Variants in CLDN19 observed in about 807,000 individuals in gnomAD.
CLDN19 encodes claudin-19.
A neutral mutation model predicts 24.5 loss-of-function variants in CLDN19; 19 were observed. The observed-to-expected ratio is 0.78, with a 90% CI of 0.54 to 1.14. CLDN19 has a LOEUF of 1.14. Among genes scored for constraint, CLDN19 ranks in the 50% most tolerant of loss-of-function variants. CLDN19 has a pLI of 0.00. For synonymous variants in CLDN19, 117 were observed against 129.6 expected, an observed-to-expected ratio of 0.90 and a Z score of 0.66; for missense variants, 250 against 295.9, an observed-to-expected ratio of 0.84 and a Z score of 1.14.
Position 42,734,676 on chromosome 1 carries a change from T to C in CLDN19, c.*410A>G. 1 of 191,844 alleles carries C rather than the reference T, an allele frequency of 5.2e-6. No homozygotes were observed. The highest frequency in any genetic ancestry group is 1.2e-4 in the South Asian group (1 of 8,162). The allele number at this position is 191,844 out of a possible 1,614,324, so 11.9% of individuals were successfully genotyped here. The stretch of plus-strand genomic sequence containing the variant: ...GCAGGGTTTACTACCTTGGGGCCTC[T>C]TTCCACACCAGGGGCTCCCTGACCC... On this transcript the variant is annotated 3_prime_UTR_variant, in exon 5 of 5. Transcript: ENST00000296387.
intron 4 of CLDN19, 59 bp from the exon 5 acceptor site, chr1:42,735,193 G>A (rs955095486): frequency 3.7e-6 from 6 of 1,608,830 alleles, no homozygotes; most frequent in African/African-American, 2.7e-5. Context: ...CGGGGGCAGG[G>A]GCTGTGCATT....
chr1:42,735,311 T>G, intron 4 of CLDN19, 177 bp from the exon 5 acceptor site: 1 of 1,494,698 alleles, frequency 6.7e-7, no homozygotes, highest in African/African-American at 1.4e-5. Context: ...GACCTCACCA[T>G]CTGTGTAGGT....
chr1:42,739,065 C>T (rs1241168294), intron 1 of CLDN19, among the ~76,000 whole-genome samples: 2 of 152,142 alleles, frequency 1.3e-5, no homozygotes, highest in South Asian at 2.1e-4. Context: ...AAGCTTGCCT[C>T]TTCACGGGTG....
Position 42,734,953 on chromosome 1 carries a change from C to T in CLDN19, c.*133G>A. On this transcript the variant is annotated 3_prime_UTR_variant, in exon 5 of 5. Coordinates refer to ENST00000296387, the MANE Select transcript of CLDN19 (RefSeq NM_148960.3). ...CAGCACTGACCACTCTGACACAGGC[C>T]CCGTCCAAGCCACGCTGAGGACAGA... The T allele has an allele frequency of 1.3e-6, 1 of 767,118 alleles. No homozygotes were observed. Among genetic ancestry groups the T allele is most frequent in the Non-Finnish European group, 2.2e-6 (1 of 446,700 alleles). 47.5% of individuals were successfully genotyped at this position (767,118 alleles called of 1,614,324 possible).
chr1:42,735,444 C>T (rs1026009370), intron 4 of CLDN19: 2 of 1,414,654 alleles, frequency 1.4e-6, no homozygotes, highest in Non-Finnish European at 9.2e-7. Flanking sequence ...GCCCATGGGA[C>T]TGGGGAGGGT....
Position 42,735,900 on chromosome 1 carries a change from C to G in CLDN19, c.604G>C (p.Gly202Arg). ...PNSSPQPYRP[G>R]PSAAAREPVV... ...TACTCTCGGGCAGCAGCAGAGGGTC[C>G]AGGCCGATAGGGCTGTGGGCTGCTG... is the stretch of plus-strand genomic sequence containing the variant. Residue 202 changes from glycine to arginine, a missense_variant, in exon 4 of 5, where the codon GGA becomes CGA. Physicochemically the swap from Gly to Arg is moderately radical, Grantham distance 125 (BLOSUM62 -2). Transcript: ENST00000296387. 6.3e-7 allele frequency: 1 copy of G among 1,580,214 alleles called. No homozygotes were observed. Among genetic ancestry groups the G allele is most frequent in the South Asian group, 1.2e-5 (1 of 86,316 alleles).
intron 4 of CLDN19, 34 bp from the exon 5 acceptor site, chr1:42,735,168 A>C (rs748661119): frequency 6.2e-7 from 1 of 1,613,314 alleles, no homozygotes; most frequent in African/African-American, 1.3e-5. Flanking sequence ...TGGTTAGTGG[A>C]GTGAGCTGTG....
intron 3 of CLDN19, among the ~76,000 whole-genome samples, chr1:42,736,938 T>C (rs968915742): frequency 3.3e-5 from 5 of 152,166 alleles, no homozygotes. Context: ...GGAACAAACC[T>C]TGTACCTGAG....
At chr1:42,735,654 T>A in intron 4 of CLDN19, 1 of 1,435,414 alleles carries the variant, frequency 7.0e-7, no homozygotes, top group Non-Finnish European at 9.1e-7. Context: ...TGGACCTGCA[T>A]CTGTGTGTAT....
Position 42,735,934 on chromosome 1 carries a change from C to T in CLDN19, c.570G>A (p.Glu190=), listed in dbSNP as rs1651353668. 1 of 1,578,672 alleles carries T rather than the reference C, an allele frequency of 6.3e-7. No individual in the cohort carries two copies. The highest frequency in any genetic ancestry group is 8.6e-7 in the Non-Finnish European group (1 of 1,162,214). ...AGGGCTGTGGGCTGCTGTTGGGTCT[C>T]TCTGGCTCCGGGCATGTGCAGCAGA... ...SFLCCTCPEP[E]RPNSSPQPYR... is the part of the protein sequence containing the mutation. The change falls in exon 4 of 5, where the codon GAG becomes GAA. Residue 190 remains glutamate, a synonymous_variant. Coordinates refer to ENST00000296387, the MANE Select transcript of CLDN19 (RefSeq NM_148960.3).
At chr1:42,736,058 G>A (rs1651361938) in intron 3 of CLDN19, 28 bp from the exon 4 acceptor site, 2 of 1,466,184 alleles carry the variant, frequency 1.4e-6, no homozygotes, top group South Asian at 1.2e-5. Flanking sequence ...AGTGGCATCA[G>A]GTGTGGCTGC....
At chr1:42,735,699 T>C (rs1009023125) in intron 4 of CLDN19, 179 bp downstream of exon 4, 1 of 1,454,076 alleles carries the variant, frequency 6.9e-7, no homozygotes, top group African/African-American at 1.4e-5. Flanking sequence ...GGTGTCTCTC[T>C]GAGGATCTGG....
chr1:42,739,247 T>C (rs1001158726), intron 1 of CLDN19, among the ~76,000 whole-genome samples: 1 of 152,146 alleles, frequency 6.6e-6, no homozygotes, highest in Non-Finnish European at 1.5e-5. Flanking sequence ...CCTGGGCAGA[T>C]TGCAGGTGGA....
chr1:42,738,092 T>C (rs1651428614), intron 3 of CLDN19, 137 bp downstream of exon 3: 1 of 805,548 alleles, frequency 1.2e-6, no homozygotes, highest in African/African-American at 1.7e-5. Context: ...CCCACCACAC[T>C]CCTCCTGGCG....
chr1:42,734,967 G>A lies in CLDN19; in HGVS notation c.*119C>T, dbSNP rs376052803. On this transcript the variant is annotated 3_prime_UTR_variant, in exon 5 of 5. Transcript: ENST00000296387. ...CTGACACAGGCCCCGTCCAAGCCAC[G>A]CTGAGGACAGACCGAATGATACCAT... is the stretch of plus-strand genomic sequence containing the variant. 4.1e-5 allele frequency: 36 copies of A among 868,478 alleles called. No individual in the cohort carries two copies. Among genetic ancestry groups the A allele is most frequent in the South Asian group, 6.1e-5 (4 of 65,478 alleles). The allele number at this position is 868,478 out of a possible 1,614,324, so 53.8% of individuals were successfully genotyped here. A position where few individuals can be genotyped will look rare whatever the true frequency, so the allele number is the denominator to read the frequency against.
rs147368794 is a variant in CLDN19, at chr1:42,738,773, GT to G, written c.224-189del. On this transcript the variant is annotated intron_variant, in intron 1 of 4. Transcript: ENST00000296387. ...CCGGGCATGAGGACAGGGTGTGGGG[GT>G]GAGAGTCCCCTTCACTGTCAACGCC... is the stretch of plus-strand genomic sequence containing the variant. Among the ~76,000 whole-genome samples, 2,020 of 152,180 alleles carry G rather than the reference GT, an allele frequency of 0.013. 58 individuals carry two copies. The highest frequency in any genetic ancestry group is 0.046 in the African/African-American group (1,919 of 41,516).
Position 42,735,949 on chromosome 1 carries a change from T to C in CLDN19, c.555A>G (p.Thr185=), listed in dbSNP as rs369184924. ...TGTTGGGTCTCTCTGGCTCCGGGCA[T>C]GTGCAGCAGAGGAAGGAGCCGCCCA... The part of the protein sequence containing the change: ...AVLGGSFLCC[T]CPEPERPNSS... Residue 185 remains threonine (T), a synonymous_variant, in exon 4 of 5, where the codon ACA becomes ACG. Transcript: ENST00000296387. 6.3e-7 allele frequency: 1 copy of C among 1,577,952 alleles called. No individual in the cohort carries two copies. Among genetic ancestry groups the C allele is most frequent in the Non-Finnish European group, 8.6e-7 (1 of 1,162,042 alleles).
rs1651311737 is a variant in CLDN19, at chr1:42,735,031, A to G, written c.*55T>C. The G allele has an allele frequency of 7.2e-6, 10 of 1,392,816 alleles. No homozygotes were observed. The South Asian group carries it at 9.4e-5, about 13-fold the overall frequency. 86.3% of individuals were successfully genotyped at this position (1,392,816 alleles called of 1,614,324 possible). A position where few individuals can be genotyped will look rare whatever the true frequency, so the allele number is the denominator to read the frequency against. On this transcript the variant is annotated 3_prime_UTR_variant, in exon 5 of 5. Transcript: ENST00000296387. ...TGTTCACTTCTCTTTCCAAAAAAAT[A>G]TGAAACACACAGTCTAGGTATGGCA... is the stretch of plus-strand genomic sequence containing the variant.
Position 42,740,005 on chromosome 1 carries a change from C to A in CLDN19, c.59G>T (p.Gly20Val). Residue 20 changes from glycine to valine, a missense_variant, in exon 1 of 5, where the codon GGC becomes GTC. Coordinates refer to ENST00000296387, the MANE Select transcript of CLDN19 (RefSeq NM_148960.3). Reference sequence around the variant, plus strand: ...TGGCAGGGCTGTGCTAGCAATGATGCCCACCCAGCCACCCAGGGCCAAGAA... The same window carrying A: ...TGGCAGGGCTGTGCTAGCAATGATGACCACCCAGCCACCCAGGGCCAAGAA... ...GYFLALGGWV[G>V]IIASTALPQW... is the part of the protein sequence containing the mutation. 6.3e-7 allele frequency: 1 copy of A among 1,577,706 alleles called. No individual in the cohort carries two copies. The highest frequency in any genetic ancestry group is 8.6e-7 in the Non-Finnish European group (1 of 1,161,374).
Sources: gnomAD v4.1 joint callset for allele counts (sites outside exome capture counted in the v4.1 genomes callset) on GRCh38, gnomAD v4.1.1 for gene constraint, MANE v1.5 for transcripts, NCBI Gene and HGNC (gene_info 2026-07-23, HGNC 2026-07-21) for gene names.